The following DOCK3 variants were observed in gnomAD, a reference collection of about 807,000 sequenced individuals.
DOCK3 encodes the protein dedicator of cytokinesis 3, also known as dedicator of cytokinesis protein 3.
DOCK3 carries 60 observed loss-of-function variants against 265.6 expected under a neutral mutation model. The ratio of observed to expected loss-of-function variants is 0.23; its 90% CI spans 0.18 to 0.28. DOCK3 has a LOEUF of 0.28. Among genes scored for constraint, DOCK3 ranks in the 10% least tolerant of loss-of-function variants. The pLI is 1.00. For synonymous variants in DOCK3, 881 were observed against 938.0 expected (o/e 0.94, Z 1.11); for missense variants, 1,981 against 2,594.3 (o/e 0.76, Z 5.14).
chr3:50,790,395 T>C (rs1310633930), intron 2 of DOCK3, among the ~76,000 whole-genome samples: 1 of 152,150 alleles, frequency 6.6e-6, no homozygotes, highest in Non-Finnish European at 1.5e-5. Flanking sequence ...TGCTATTGTT[T>C]TACAGGTCCT....
intron 26 of DOCK3, 111 bp downstream of exon 26, chr3:51,277,865 T>A (rs539698318): frequency 1.3e-6 from 2 of 1,531,458 alleles, no homozygotes; most frequent in Non-Finnish European, 1.8e-6. Context: ...CCTTCCCTCC[T>A]GCATGGTTGT....
At chr3:50,719,881 T>G in intron 1 of DOCK3, 1 of 655,220 alleles carries the variant, frequency 1.5e-6, no homozygotes, top group Non-Finnish European at 2.8e-6. Flanking sequence ...AGTTTTCTGC[T>G]GTTTTTGAAA....
chr3:51,351,422 TAGTCTGCTAGCGGC>T (rs1279820089), intron 40 of DOCK3, among the ~76,000 whole-genome samples: 1 of 152,182 alleles, frequency 6.6e-6, no homozygotes, highest in Non-Finnish European at 1.5e-5. Flanking sequence ...TAAAAAAAGC[TAGTCTGCTAGCGGC>T]AGAGTCCAGG....
At chr3:51,113,038 T>TCAAA (rs2083586896) in intron 9 of DOCK3, among the ~76,000 whole-genome samples, 1 of 152,174 alleles carries the variant, frequency 6.6e-6, no homozygotes, top group Non-Finnish European at 1.5e-5. Context: ...TATAATATTC[T>TCAAA]TCTTGTTTAT....
intron 22 of DOCK3, among the ~76,000 whole-genome samples, chr3:51,256,060 C>T (rs1316384595): frequency 2.0e-5 from 3 of 152,158 alleles, no homozygotes; most frequent in Admixed American, 6.5e-5. Flanking sequence ...GTGTGGATGT[C>T]CTTTCTGTTT....
At chr3:51,308,996 G>A (rs2082886781) in intron 27 of DOCK3, among the ~76,000 whole-genome samples, 1 of 150,860 alleles carries the variant, frequency 6.6e-6, no homozygotes, top group Non-Finnish European at 1.5e-5. Context: ...GGGCGGCGGG[G>A]CAGAGGCGCT....
intron 14 of DOCK3, among the ~76,000 whole-genome samples, chr3:51,222,646 T>C (rs1576454492): frequency 6.6e-6 from 1 of 152,184 alleles, no homozygotes; most frequent in African/African-American, 2.4e-5. Flanking sequence ...GCTAGGCAGG[T>C]CTGTTCTCCA....
intron 38 of DOCK3, among the ~76,000 whole-genome samples, chr3:51,344,778 ACT>A (rs1220334150): frequency 3.3e-5 from 5 of 151,980 alleles, no homozygotes; most frequent in Non-Finnish European, 4.4e-5. Context: ...ATATTTACTA[ACT>A]CTGTGCAGAG....
intron 12 of DOCK3, among the ~76,000 whole-genome samples, chr3:51,206,881 G>T (rs1173234276): frequency 6.6e-6 from 1 of 152,196 alleles, no homozygotes; most frequent in African/African-American, 2.4e-5. Context: ...GAGATTTTAT[G>T]ATTGCAAAAT....
chr3:50,707,861 G>C (rs921281019), intron 1 of DOCK3, among the ~76,000 whole-genome samples: 3 of 152,244 alleles, frequency 2.0e-5, no homozygotes, highest in Non-Finnish European at 4.4e-5. Flanking sequence ...GGTGGTGTTG[G>C]GCTGGGCAAG....
intron 49 of DOCK3, among the ~76,000 whole-genome samples, chr3:51,372,735 C>A (rs2087787595): frequency 6.6e-6 from 1 of 152,126 alleles, no homozygotes; most frequent in Non-Finnish European, 1.5e-5. Context: ...GCATACTGAA[C>A]AGAGAGTAGT....
At position 51,360,602 on chromosome 3, in the gene DOCK3, C is replaced by G; in HGVS notation, c.4976C>G (p.Pro1659Arg). ...NVLASHSPMS[P>R]ESIKMTHRHS... Reference sequence around the variant, plus strand: ...CTGGCATCCCATAGCCCCATGAGTCCGGAGAGCATCAAGATGACCCACCGG... The same window carrying G: ...CTGGCATCCCATAGCCCCATGAGTCGGGAGAGCATCAAGATGACCCACCGG... The change falls in exon 47 of 53, where the codon CCG becomes CGG. Residue 1659 changes from proline to arginine, a missense_variant. Around this residue, in one of 4 missense-constraint regions of DOCK3, gnomAD observed 1,357 missense variants for 1,866.8 expected, o/e 0.73. Transcript: ENST00000266037. 6.2e-7 allele frequency: 1 copy of G among 1,613,804 alleles called. No individual in the cohort carries two copies. Among genetic ancestry groups the G allele is most frequent in the South Asian group, 1.1e-5 (1 of 91,014 alleles).
At chr3:51,290,371 T>C (rs1560365289) in intron 27 of DOCK3, among the ~76,000 whole-genome samples, 1 of 152,206 alleles carries the variant, frequency 6.6e-6, no homozygotes, top group Non-Finnish European at 1.5e-5. Flanking sequence ...AATGATGAGT[T>C]CATGTCCTTT....
intron 5 of DOCK3, among the ~76,000 whole-genome samples, chr3:51,006,068 G>T (rs1462576946): frequency 2.0e-5 from 3 of 152,096 alleles, no homozygotes. Context: ...TGCCAAGCAA[G>T]CATTGACCTT....
rs761719097 is a variant in DOCK3 at position 51,330,185 on chromosome 3, G to A, written c.3450G>A (p.Gly1150=). The change falls in exon 33 of 53, where the codon GGG becomes GGA. Residue 1150 remains glycine (G), a synonymous_variant. Coordinates refer to ENST00000266037, the MANE Select transcript of DOCK3 (RefSeq NM_004947.5). ...AGCTGGACAGCATGGTGTCAGAAGGGAAAGGTGACGAGAGCTACAGGGAGC... is the reference window on the plus strand; with the variant it reads ...AGCTGGACAGCATGGTGTCAGAAGGAAAAGGTGACGAGAGCTACAGGGAGC... The part of the protein sequence containing the change: ...IDKLDSMVSE[G]KGDESYRELF... 2 of 1,605,692 alleles carry A rather than the reference G, an allele frequency of 1.2e-6. No homozygotes were observed. The highest frequency in any genetic ancestry group is 1.7e-6 in the Non-Finnish European group (2 of 1,176,206).
chr3:50,950,834 T>A (rs2076570276), intron 5 of DOCK3, among the ~76,000 whole-genome samples: 1 of 152,204 alleles, frequency 6.6e-6, no homozygotes, highest in Non-Finnish European at 1.5e-5. Context: ...TGTTTAGGTC[T>A]TACTTTCTAC....
chr3:51,277,668 C>A lies in DOCK3; in HGVS notation c.2737C>A (p.Gln913Lys). ...GGAGAGCCTCCTGGACGTGCTCTTG[C>A]AGACTCTGCTCACCATCATGAGCAA... is the stretch of plus-strand genomic sequence containing the variant. The part of the protein sequence containing the change: ...MVESLLDVLL[Q>K]TLLTIMSKSH... The change falls in exon 26 of 53, where the codon CAG becomes AAG. Residue 913 changes from glutamine to lysine, a missense_variant. Around this residue, in one of 4 missense-constraint regions of DOCK3, gnomAD observed 1,357 missense variants for 1,866.8 expected, o/e 0.73. Coordinates refer to ENST00000266037, the MANE Select transcript of DOCK3 (RefSeq NM_004947.5). 1.9e-6 allele frequency: 3 copies of A among 1,604,416 alleles called. No individual in the cohort carries two copies. Among genetic ancestry groups the A allele is most frequent in the Non-Finnish European group, 2.6e-6 (3 of 1,175,720 alleles).
At chr3:51,195,629 G>C (rs2088242164) in intron 12 of DOCK3, among the ~76,000 whole-genome samples, 1 of 151,996 alleles carries the variant, frequency 6.6e-6, no homozygotes, top group Non-Finnish European at 1.5e-5. Context: ...TGTTGGCCAG[G>C]CTAGTCTCAA....
chr3:50,973,045 G>GTTTTTTT (rs1240169729), intron 5 of DOCK3, among the ~76,000 whole-genome samples: 2 of 3,934 alleles, frequency 5.1e-4, no homozygotes, highest in Non-Finnish European at 5.8e-4. Context: ...CATTCAGTGT[G>GTTTTTTT]TTTCTTTTTT....
Sources: allele counts gnomAD v4.1 joint callset (sites outside exome capture counted in the v4.1 genomes callset), GRCh38; gene constraint gnomAD v4.1.1; regional missense constraint gnomAD v4.1.1; transcripts MANE v1.5; gene names NCBI Gene and HGNC (gene_info 2026-07-23, HGNC 2026-07-21).